GABRG3: variants seen among roughly 807,000 people sequenced by gnomAD.
GABRG3 encodes the protein gamma-aminobutyric acid receptor subunit gamma-3.
In GABRG3, 25 loss-of-function variants were observed where a neutral mutation model predicts 48.8. The ratio of observed to expected loss-of-function variants is 0.51; its 90% confidence interval spans 0.37 to 0.72. The LOEUF is 0.72. GABRG3 is among the 30% of genes least tolerant of loss of function. The pLI is 0.00. For synonymous variants in GABRG3, 227 were observed against 217.6 expected (o/e 1.04, Z -0.38); for missense variants, 394 against 577.9 (o/e 0.68, Z 3.26).
At chr15:27,307,954 A>G (rs904300318) in intron 3 of GABRG3, among the ~76,000 whole-genome samples, 2 of 138,460 alleles carry the variant, frequency 1.4e-5, no homozygotes, top group Non-Finnish European at 3.1e-5. Flanking sequence ...TATATGTAAA[A>G]TAAACATGTT....
chr15:26,983,152 CTTT>C (rs34171008), intron 2 of GABRG3, among the ~76,000 whole-genome samples: 3 of 146,546 alleles, frequency 2.0e-5, no homozygotes, highest in African/African-American at 7.5e-5. Flanking sequence ...TTTCTCATGA[CTTT>C]TTTTTTTTTT....
At chr15:27,338,917 A>G (rs80121890) in intron 5 of GABRG3, among the ~76,000 whole-genome samples, 8,211 of 152,244 alleles carry the variant, frequency 0.054, 430 homozygotes, top group African/African-American at 0.13. Context: ...CAAATGCTTC[A>G]TATCTGGTGT....
intron 3 of GABRG3, among the ~76,000 whole-genome samples, chr15:27,315,440 C>A (rs58606326): frequency 0.1 from 15,824 of 152,160 alleles, 2,426 homozygotes; most frequent in African/African-American, 0.34. Context: ...GAAATGTATG[C>A]TCTTTCATGT....
rs1896102281 is a variant in GABRG3 at position 27,388,363 on chromosome 15, A to AGG, written c.574+59476_574+59477dup. ...AGGTGGGAGGGAGGGTAAGGAAGGA[A>AGG]GGAAGAAAGGAAGGAAGGAAGGAAA... is the stretch of plus-strand genomic sequence containing the variant. On this transcript the variant is annotated intron_variant, in intron 5 of 9. Coordinates refer to ENST00000615808, the MANE Select transcript of GABRG3 (RefSeq NM_033223.5). Among the ~76,000 whole-genome samples, 8 of 25,440 alleles carry AGG rather than the reference A, an allele frequency of 3.1e-4. 1 individual carries two copies. Among genetic ancestry groups the AGG allele is most frequent in the Non-Finnish European group, 2.7e-4 (3 of 11,160 alleles). 16.7% of individuals were successfully genotyped at this position (25,440 alleles called of 152,430 possible).
intron 3 of GABRG3, among the ~76,000 whole-genome samples, chr15:27,045,383 A>G (rs1287614424): frequency 6.6e-6 from 1 of 152,214 alleles, no homozygotes; most frequent in African/African-American, 2.4e-5. Flanking sequence ...CGGGGGAACA[A>G]ACTCCAGAAG....
chr15:27,455,137 C>G (rs1253596197), intron 5 of GABRG3, among the ~76,000 whole-genome samples: 1 of 152,174 alleles, frequency 6.6e-6, no homozygotes, highest in Non-Finnish European at 1.5e-5. Flanking sequence ...GTCATTTTCC[C>G]TTAACAGAAT....
intron 3 of GABRG3, among the ~76,000 whole-genome samples, chr15:27,120,433 A>T (rs143201744): frequency 3.5e-4 from 54 of 152,136 alleles, no homozygotes; most frequent in African/African-American, 1.3e-3. Context: ...GTGTGATGTT[A>T]CTTCTTTCCT....
intron 6 of GABRG3, among the ~76,000 whole-genome samples, chr15:27,503,663 G>C (rs1278366159): frequency 6.6e-6 from 1 of 152,182 alleles, no homozygotes; most frequent in Non-Finnish European, 1.5e-5. Flanking sequence ...TGGGTAGAGT[G>C]TTCTATAAAT....
intron 5 of GABRG3, among the ~76,000 whole-genome samples, chr15:27,465,857 T>C (rs556310882): frequency 6.6e-6 from 1 of 152,214 alleles, no homozygotes; most frequent in South Asian, 2.1e-4. Flanking sequence ...CTCTGCATGA[T>C]GCCTTCTGAT....
At chr15:27,516,459 T>C (rs1026160037) in intron 6 of GABRG3, among the ~76,000 whole-genome samples, 2 of 152,216 alleles carry the variant, frequency 1.3e-5, no homozygotes, top group African/African-American at 4.8e-5. Flanking sequence ...AGCCCCATCT[T>C]CTGGGAACTG....
At chr15:27,365,104 CAA>C (rs1895147763) in intron 5 of GABRG3, 1 of 152,150 alleles carries the variant, frequency 6.6e-6, no homozygotes, top group African/African-American at 2.4e-5. Flanking sequence ...CATTTGACAG[CAA>C]GTGGCAGACA....
chr15:27,330,056 A>G (rs1420853607), intron 5 of GABRG3, among the ~76,000 whole-genome samples: 1 of 152,142 alleles, frequency 6.6e-6, no homozygotes, highest in Non-Finnish European at 1.5e-5. Flanking sequence ...CCTGGCTAAC[A>G]CGGTGAAACC....
intron 3 of GABRG3, among the ~76,000 whole-genome samples, chr15:27,295,878 C>G (rs1008558107): frequency 5.9e-5 from 9 of 152,156 alleles, no homozygotes; most frequent in Non-Finnish European, 8.8e-5. Context: ...GGGGTGGGGA[C>G]AGTAGCATTC....
chr15:27,170,101 C>T (rs775385880), intron 3 of GABRG3, among the ~76,000 whole-genome samples: 6 of 152,140 alleles, frequency 3.9e-5, no homozygotes, highest in African/African-American at 7.2e-5. Flanking sequence ...GAAAATTATA[C>T]CTTGGATGGA....
At chr15:27,128,298 G>A (rs367753111) in intron 3 of GABRG3, among the ~76,000 whole-genome samples, 5 of 152,288 alleles carry the variant, frequency 3.3e-5, no homozygotes, top group South Asian at 2.1e-4. Flanking sequence ...GTTGTGTGTC[G>A]CTCTACCTTG....
chr15:27,020,708 C>T (rs979441072), intron 2 of GABRG3, among the ~76,000 whole-genome samples: 14 of 152,254 alleles, frequency 9.2e-5, no homozygotes, highest in East Asian at 1.9e-4. Context: ...TGAGCCACCG[C>T]GCCCGGCCTG....
At chr15:27,384,061 A>C (rs1895854139) in intron 5 of GABRG3, among the ~76,000 whole-genome samples, 1 of 152,198 alleles carries the variant, frequency 6.6e-6, no homozygotes, top group Non-Finnish European at 1.5e-5. Context: ...TTTTCGGTTA[A>C]TTAATTATAA....
chr15:27,022,292 C>G (rs965706541), intron 2 of GABRG3, among the ~76,000 whole-genome samples: 9 of 152,168 alleles, frequency 5.9e-5, no homozygotes, highest in Admixed American at 5.2e-4. Flanking sequence ...TCAGATCAGC[C>G]AGGCTTCTTC....
chr15:27,279,958 A>G (rs1185168585), intron 3 of GABRG3, among the ~76,000 whole-genome samples: 3 of 152,138 alleles, frequency 2.0e-5, no homozygotes, highest in East Asian at 1.9e-4. Context: ...TAGATCCTAT[A>G]TAGATTTTGA....
Sources: gnomAD v4.1 joint callset for allele counts (sites outside exome capture counted in the v4.1 genomes callset) on GRCh38, gnomAD v4.1.1 for gene constraint, MANE v1.5 for transcripts, NCBI Gene and HGNC (gene_info 2026-07-23, HGNC 2026-07-21) for gene names.